The following STXBP6 variants were observed in gnomAD, a reference collection of about 807,000 sequenced individuals.
STXBP6 encodes the protein syntaxin-binding protein 6.
In STXBP6, 21 loss-of-function variants were observed where a neutral mutation model predicts 26.9. That is an observed-to-expected ratio of 0.78 (90% CI 0.55 to 1.12). The LOEUF (loss-of-function observed/expected upper bound fraction) is 1.12, where lower values mean the gene tolerates loss of function less well. Among genes scored for constraint, STXBP6 ranks in the 50% most tolerant of loss-of-function variants. The pLI is 0.00. For missense variants in STXBP6, 232 were observed against 257.9 expected (o/e 0.90, Z 0.69); for synonymous variants, 97 against 92.6 (o/e 1.05, Z -0.27).
intron 1 of STXBP6, among the ~76,000 whole-genome samples, chr14:25,004,011 T>C (rs559136902): frequency 2.0e-4 from 31 of 152,332 alleles, no homozygotes; most frequent in African/African-American, 7.5e-4. Flanking sequence ...AGTAAAGGAC[T>C]AGCAGAAAGA....
chr14:24,930,799 A>G (rs770076077), intron 2 of STXBP6, among the ~76,000 whole-genome samples: 5 of 152,124 alleles, frequency 3.3e-5, no homozygotes, highest in Non-Finnish European at 7.4e-5. Context: ...CATTCTAAGC[A>G]AACTATTGCA....
intron 2 of STXBP6, among the ~76,000 whole-genome samples, chr14:24,965,091 A>G (rs2073690839): frequency 6.6e-6 from 1 of 152,138 alleles, no homozygotes; most frequent in South Asian, 2.1e-4. Flanking sequence ...TTGGGGAAAA[A>G]CAATGTTGGA....
At chr14:24,886,066 C>G (rs547249184) in intron 2 of STXBP6, among the ~76,000 whole-genome samples, 1 of 152,180 alleles carries the variant, frequency 6.6e-6, no homozygotes, top group Non-Finnish European at 1.5e-5. Flanking sequence ...GTTAATCCCC[C>G]TCTTCTTCAG....
rs1021244315 is a variant in STXBP6, at chr14:25,049,662, T to G, written c.-33+216A>C. ...AGAACCAGGGACACGAGTCCCTCTC[T>G]GCGCGCACAAAGCAGCTGCGCCGGG... is the stretch of plus-strand genomic sequence containing the variant. On this transcript the variant is annotated intron_variant, in intron 1 of 5. Transcript: ENST00000323944. This position sits in a 1 kb window ranked among gnomAD's most constrained non-coding sequence, Gnocchi z 5.6. The G allele has an allele frequency of 2.5e-5, 25 of 985,600 alleles. No individual in the cohort carries two copies. Among genetic ancestry groups the G allele is most frequent in the Non-Finnish European group, 2.9e-5 (24 of 830,214 alleles). The allele number at this position is 985,600 out of a possible 1,614,324, so 61.1% of individuals were successfully genotyped here.
At chr14:24,876,729 A>G (rs1238606904) in intron 2 of STXBP6, among the ~76,000 whole-genome samples, 1 of 152,246 alleles carries the variant, frequency 6.6e-6, no homozygotes, top group Non-Finnish European at 1.5e-5. Flanking sequence ...TCAAGAGCCT[A>G]AAATTGGTAA....
At chr14:24,962,635 A>G (rs2073587850) in intron 2 of STXBP6, among the ~76,000 whole-genome samples, 1 of 152,132 alleles carries the variant, frequency 6.6e-6, no homozygotes, top group Admixed American at 6.6e-5. Flanking sequence ...TGTCAAATAC[A>G]ATAAAATTGA....
intron 2 of STXBP6, among the ~76,000 whole-genome samples, chr14:24,894,899 T>A (rs1227684123): frequency 6.6e-6 from 1 of 152,148 alleles, no homozygotes; most frequent in Admixed American, 6.5e-5. Flanking sequence ...CTCTTTTTTT[T>A]TTTTTAATGC....
At chr14:24,823,543 T>C (rs1045740916) in intron 4 of STXBP6, among the ~76,000 whole-genome samples, 22 of 152,116 alleles carry the variant, frequency 1.4e-4, no homozygotes, top group African/African-American at 5.1e-4. Flanking sequence ...ATAGAGATAT[T>C]TGAAATATAA....
intron 2 of STXBP6, among the ~76,000 whole-genome samples, chr14:24,892,872 G>A (rs190163772): frequency 1.0e-3 from 155 of 152,350 alleles, no homozygotes; most frequent in Non-Finnish European, 7.3e-4. Context: ...GACCTTGCAC[G>A]TTCTCAACTA....
At chr14:25,032,167 T>C (rs894317150) in intron 1 of STXBP6, among the ~76,000 whole-genome samples, 7 of 152,170 alleles carry the variant, frequency 4.6e-5, no homozygotes, top group Non-Finnish European at 1.0e-4. Flanking sequence ...GCGCATGGTC[T>C]CCAACACCGC....
intron 4 of STXBP6, among the ~76,000 whole-genome samples, chr14:24,847,420 TTGTTAA>T (rs1329574941): frequency 1.3e-5 from 2 of 152,184 alleles, no homozygotes; most frequent in Non-Finnish European, 1.5e-5. Context: ...TTATCTTTTA[TTGTTAA>T]TGTTAAACTT....
chr14:24,927,779 A>T (rs538075448), intron 2 of STXBP6, among the ~76,000 whole-genome samples: 1 of 152,330 alleles, frequency 6.6e-6, no homozygotes, highest in Non-Finnish European at 1.5e-5. Flanking sequence ...TCTTTAGGAC[A>T]GTTTTCCCCC....
chr14:24,849,818 C>T (rs2069085423), intron 4 of STXBP6, among the ~76,000 whole-genome samples: 1 of 152,166 alleles, frequency 6.6e-6, no homozygotes, highest in African/African-American at 2.4e-5. Context: ...TACAACTTAT[C>T]TCTGTGAATT....
In STXBP6 at chr14:24,857,034, G is replaced by A; in HGVS notation, c.278C>T (p.Pro93Leu). Residue 93 changes from proline (P) to leucine (L), a missense_variant, in exon 3 of 6, where the codon CCT (proline) becomes CTT (leucine). Physicochemically the swap from Pro to Leu is moderately conservative, Grantham distance 98. Coordinates refer to ENST00000323944, the MANE Select transcript of STXBP6 (RefSeq NM_001394410.1). ...ATTGGACAATTCACTCACCCCATTA[G>A]GATCGATACCATTAACCTGGCGAAG... ...EQLRQVNGID[P>L]NGDSAEFDLL... is the part of the protein sequence containing the mutation. 6.2e-7 allele frequency: 1 copy of A among 1,612,710 alleles called. No individual in the cohort carries two copies. Among genetic ancestry groups the A allele is most frequent in the Non-Finnish European group, 8.5e-7 (1 of 1,179,042 alleles).
chr14:25,011,563 C>A (rs2075032566), intron 1 of STXBP6, among the ~76,000 whole-genome samples: 1 of 152,078 alleles, frequency 6.6e-6, no homozygotes, highest in South Asian at 2.1e-4. Flanking sequence ...TGGGTTCAGT[C>A]CAAGAGAATG....
At chr14:25,035,611 A>G (rs963147979) in intron 1 of STXBP6, among the ~76,000 whole-genome samples, 1 of 152,246 alleles carries the variant, frequency 6.6e-6, no homozygotes, top group Non-Finnish European at 1.5e-5. Flanking sequence ...AATTCTTTAC[A>G]GGAATTAAAT....
intron 4 of STXBP6, among the ~76,000 whole-genome samples, chr14:24,841,055 G>A (rs911354501): frequency 6.6e-6 from 1 of 152,070 alleles, no homozygotes; most frequent in African/African-American, 2.4e-5. Flanking sequence ...GTTTGCAATC[G>A]TTACAGTTTC....
chr14:25,027,084 G>A lies in STXBP6; in HGVS notation c.-33+22794C>T, dbSNP rs149773286. On this transcript the variant is annotated intron_variant, in intron 1 of 5. Transcript: ENST00000323944. The stretch of plus-strand genomic sequence containing the variant: ...CATACAAACAATGGCATTCAGACAC[G>A]AAAATCAAGCTGTTGCAGACCAATT... Among the ~76,000 whole-genome samples, 257 of 152,260 alleles carry A rather than the reference G, an allele frequency of 1.7e-3. 10 individuals carry two copies. The East Asian group carries it at 0.045, about 26-fold the overall frequency.
At chr14:24,976,299 C>T (rs547959721) in intron 1 of STXBP6, among the ~76,000 whole-genome samples, 35 of 152,202 alleles carry the variant, frequency 2.3e-4, no homozygotes, top group Non-Finnish European at 4.3e-4. Context: ...CTATAACCTC[C>T]TGGTAGGAAA....
Sources: allele counts gnomAD v4.1 joint callset (sites outside exome capture counted in the v4.1 genomes callset), GRCh38; gene constraint gnomAD v4.1.1; non-coding constraint Gnocchi (gnomAD v3.1); transcripts MANE v1.5; gene names NCBI Gene and HGNC (gene_info 2026-07-23, HGNC 2026-07-21).